FAM184B: variants seen among roughly 807,000 people sequenced by gnomAD.
The protein encoded by FAM184B is family with sequence similarity 184 member B, also known as protein FAM184B.
A neutral mutation model predicts 135.9 loss-of-function variants in FAM184B; 111 were observed. The observed-to-expected ratio is 0.82, with a 90% confidence interval of 0.70 to 0.96. The LOEUF (loss-of-function observed/expected upper bound fraction) is 0.96. FAM184B is among the 40% of genes least tolerant of loss of function. The probability of loss-of-function intolerance (pLI) is 0.00; values close to 1 mark genes in which losing one functional copy is unlikely to be tolerated. For synonymous variants in FAM184B, 552 were observed against 524.8 expected (o/e 1.05, Z -0.71); for missense variants, 1,375 against 1,323.9 (o/e 1.04, Z -0.60).
intron 1 of FAM184B, among the ~76,000 whole-genome samples, chr4:17,749,060 C>A (rs1718239358): frequency 6.7e-6 from 1 of 149,814 alleles, no homozygotes; most frequent in African/African-American, 2.5e-5. Flanking sequence ...TCTCAAACTC[C>A]TGGCTTCAAG....
intron 1 of FAM184B, among the ~76,000 whole-genome samples, chr4:17,759,771 C>T (rs1319875013): frequency 2.0e-5 from 3 of 152,186 alleles, no homozygotes; most frequent in Non-Finnish European, 4.4e-5. Context: ...ACTGGGTTTA[C>T]AGGTGTGAGC....
In FAM184B at chr4:17,653,925, G is replaced by GGAGAGAGAGAGAGA. The variant is rs140514998; in HGVS notation, c.2038-943_2038-942insTCTCTCTCTCTCTC. The stretch of plus-strand genomic sequence containing the variant: ...GTGGAAGCAGAGGTCAGAGAGGGAG[G>GGAGAGAGAGAGAGA]GGGAGGGGGATTTGAAGCTGCTACA... On this transcript the variant is annotated intron_variant, in intron 10 of 17. Coordinates refer to ENST00000265018, the MANE Select transcript of FAM184B (RefSeq NM_015688.2). Among the ~76,000 whole-genome samples, 70 of 131,318 alleles carry GGAGAGAGAGAGAGA rather than the reference G, an allele frequency of 5.3e-4. 1 individual carries two copies. The highest frequency in any genetic ancestry group is 1.7e-3 in the African/African-American group (60 of 35,998). 86.1% of individuals were successfully genotyped at this position (131,318 alleles called of 152,430 possible).
At chr4:17,677,408 A>G (rs1281972569) in intron 7 of FAM184B, among the ~76,000 whole-genome samples, 1 of 152,166 alleles carries the variant, frequency 6.6e-6, no homozygotes, top group East Asian at 1.9e-4. Context: ...ACACCTTTAC[A>G]TGCATAAACT....
chr4:17,753,280 C>A (rs981046808), intron 1 of FAM184B, among the ~76,000 whole-genome samples: 1 of 152,176 alleles, frequency 6.6e-6, no homozygotes, highest in African/African-American at 2.4e-5. Context: ...ATGTCTTATT[C>A]TTGACCCAGT....
intron 15 of FAM184B, among the ~76,000 whole-genome samples, chr4:17,635,354 A>G (rs79667681): frequency 0.015 from 2,271 of 152,324 alleles, 22 homozygotes; most frequent in Middle Eastern, 0.024. Context: ...TGAAAATTCA[A>G]CTGTTCTTAG....
In FAM184B at chr4:17,629,829, G is replaced by C. The variant is rs762702725; in HGVS notation, c.*2703C>G. On this transcript the variant is annotated 3_prime_UTR_variant, in exon 18 of 18. Coordinates refer to ENST00000265018, the MANE Select transcript of FAM184B (RefSeq NM_015688.2). ...TTGTCAATAGTGTTAGGGCACAGTA[G>C]GTTCATTTACTGCTGGTAAGGGTGT... is the stretch of plus-strand genomic sequence containing the variant. 7.2e-5 allele frequency: 11 copies of C among 152,264 alleles called. No homozygotes were observed. The highest frequency in any genetic ancestry group is 3.4e-3 in the Middle Eastern group (1 of 294). The allele number at this position is 152,264 out of a possible 1,614,324, so 9.4% of individuals were successfully genotyped here.
At chr4:17,763,639 C>T (rs983609734) in intron 1 of FAM184B, among the ~76,000 whole-genome samples, 1 of 152,150 alleles carries the variant, frequency 6.6e-6, no homozygotes, top group Non-Finnish European at 1.5e-5. Context: ...TAATTTCTCC[C>T]TTAAAAGAAA....
At chr4:17,776,542 C>G (rs1335521457) in intron 1 of FAM184B, among the ~76,000 whole-genome samples, 1 of 151,970 alleles carries the variant, frequency 6.6e-6, no homozygotes, top group African/African-American at 2.4e-5. Flanking sequence ...GTATGCACCA[C>G]CATGCCCAGC....
chr4:17,720,192 G>A (rs1245549112), intron 1 of FAM184B, among the ~76,000 whole-genome samples: 2 of 152,108 alleles, frequency 1.3e-5, no homozygotes, highest in Non-Finnish European at 2.9e-5. Context: ...GGCTGGACCT[G>A]CCACCTGAAC....
chr4:17,682,793 C>T (rs527881991), intron 7 of FAM184B, among the ~76,000 whole-genome samples: 1 of 152,302 alleles, frequency 6.6e-6, no homozygotes, highest in South Asian at 2.1e-4. Context: ...GCCACTGCGC[C>T]TGGACTGTTT....
At chr4:17,665,042 G>A (rs1359931093) in intron 7 of FAM184B, among the ~76,000 whole-genome samples, 1 of 152,138 alleles carries the variant, frequency 6.6e-6, no homozygotes, top group African/African-American at 2.4e-5. Flanking sequence ...ACCACTTCCT[G>A]GTATGGTTCC....
At chr4:17,657,615 T>G (rs896152984) in intron 10 of FAM184B, among the ~76,000 whole-genome samples, 1 of 150,986 alleles carries the variant, frequency 6.6e-6, no homozygotes, top group Non-Finnish European at 1.5e-5. Flanking sequence ...CACAGTACAA[T>G]TTCCCAAACC....
intron 15 of FAM184B, among the ~76,000 whole-genome samples, chr4:17,635,887 A>T (rs1380650424): frequency 1.3e-5 from 2 of 152,186 alleles, no homozygotes; most frequent in Admixed American, 6.6e-5. Flanking sequence ...CTAAGTAGAA[A>T]ACAGGTGGTC....
intron 13 of FAM184B, among the ~76,000 whole-genome samples, chr4:17,641,643 C>CCTTTTTTTTTT (rs1715318362): frequency 4.1e-5 from 1 of 24,376 alleles, no homozygotes; most frequent in Non-Finnish European, 7.2e-5. Flanking sequence ...CACGCCCGGC[C>CCTTTTTTTTTT]TTTTTTTTTT....
At chr4:17,638,666 G>A (rs892412768) in intron 14 of FAM184B, among the ~76,000 whole-genome samples, 1 of 152,166 alleles carries the variant, frequency 6.6e-6, no homozygotes, top group Non-Finnish European at 1.5e-5. Context: ...ATGTTTGCAT[G>A]AGGGACCAGT....
intron 7 of FAM184B, among the ~76,000 whole-genome samples, chr4:17,665,436 G>A (rs1269007837): frequency 6.6e-6 from 1 of 152,170 alleles, no homozygotes; most frequent in African/African-American, 2.4e-5. Context: ...CATGAAAACA[G>A]TATAAGACAG....
At chr4:17,671,880 A>G (rs1437600809) in intron 7 of FAM184B, among the ~76,000 whole-genome samples, 1 of 151,820 alleles carries the variant, frequency 6.6e-6, no homozygotes, top group East Asian at 1.9e-4. Flanking sequence ...TTAATAGAAA[A>G]CTATATCAAG....
intron 7 of FAM184B, among the ~76,000 whole-genome samples, chr4:17,686,319 T>A (rs895279468): frequency 3.9e-5 from 6 of 152,226 alleles, no homozygotes; most frequent in African/African-American, 1.2e-4. Flanking sequence ...GCCCTGTGGA[T>A]GAGGGTGCCT....
intron 1 of FAM184B, among the ~76,000 whole-genome samples, chr4:17,779,524 T>C (rs1397596748): frequency 6.6e-6 from 1 of 152,216 alleles, no homozygotes; most frequent in Non-Finnish European, 1.5e-5. Flanking sequence ...GCCATAAATA[T>C]TAATGAGTGG....
Sources: gnomAD v4.1 joint callset for allele counts (sites outside exome capture counted in the v4.1 genomes callset) on GRCh38, gnomAD v4.1.1 for gene constraint, MANE v1.5 for transcripts, NCBI Gene and HGNC (gene_info 2026-07-23, HGNC 2026-07-21) for gene names.